Variants in GRIA4 observed in about 807,000 individuals in gnomAD.
The protein encoded by GRIA4 is glutamate ionotropic receptor AMPA type subunit 4, also known as glutamate receptor 4.
A neutral mutation model predicts 104.0 loss-of-function variants in GRIA4; 34 were observed. The ratio of observed to expected loss-of-function variants is 0.33; its 90% CI spans 0.25 to 0.44. GRIA4 has a LOEUF of 0.44. GRIA4 is among the 20% of genes least tolerant of loss of function. The pLI, the probability that GRIA4 is intolerant of heterozygous loss-of-function variation, is 1.00. For missense variants in GRIA4, 750 were observed against 1,096.5 expected (o/e 0.68, Z 4.46); for synonymous variants, 386 against 381.9 (o/e 1.01, Z -0.13).
chr11:105,733,988 T>C (rs949070273), intron 3 of GRIA4, among the ~76,000 whole-genome samples: 3 of 148,058 alleles, frequency 2.0e-5, no homozygotes, highest in Admixed American at 6.8e-5. Flanking sequence ...GGTCACTACA[T>C]GAATACATAT....
At chr11:105,898,201 T>C in intron 6 of GRIA4, 68 bp from the exon 7 acceptor site, 1 of 726,486 alleles carries the variant, frequency 1.4e-6, no homozygotes, top group Non-Finnish European at 2.3e-6. Flanking sequence ...TATTAATTTA[T>C]GTTACTATTG....
intron 3 of GRIA4, among the ~76,000 whole-genome samples, chr11:105,723,329 G>A (rs568512172): frequency 6.4e-4 from 97 of 152,130 alleles, no homozygotes; most frequent in African/African-American, 2.2e-3. Context: ...TTGAACTGTC[G>A]TTTGAACCAA....
chr11:105,868,517 G>A (rs894113212), intron 5 of GRIA4, among the ~76,000 whole-genome samples: 4 of 152,100 alleles, frequency 2.6e-5, no homozygotes, highest in Non-Finnish European at 5.9e-5. Flanking sequence ...TAAATTGGAA[G>A]TCTAAATGAG....
At chr11:105,977,974 G>A (rs959253183) in intron 16 of GRIA4, among the ~76,000 whole-genome samples, 15 of 151,936 alleles carry the variant, frequency 9.9e-5, no homozygotes, top group African/African-American at 3.4e-4. Flanking sequence ...TTTCTCACTG[G>A]TGCAGTGAAA....
At chr11:105,809,360 C>A (rs1056032096) in intron 4 of GRIA4, among the ~76,000 whole-genome samples, 4 of 152,012 alleles carry the variant, frequency 2.6e-5, no homozygotes, top group African/African-American at 9.7e-5. Context: ...TTTGTGTTGG[C>A]AATATTCCAG....
intron 14 of GRIA4, among the ~76,000 whole-genome samples, chr11:105,960,627 G>A (rs912586733): frequency 1.4e-4 from 21 of 152,160 alleles, no homozygotes; most frequent in African/African-American, 5.1e-4. Flanking sequence ...AAACAGCTTC[G>A]ACAGCAGGCA....
In GRIA4 at chr11:105,857,701, T is replaced by C. The variant is rs190787926; in HGVS notation, c.488-4323T>C. On this transcript the variant is annotated intron_variant, in intron 4 of 16. Coordinates refer to ENST00000282499, the MANE Select transcript of GRIA4 (RefSeq NM_000829.4). Reference sequence around the variant, plus strand: ...ATATCCAGCATTCCATTAACCCTGCTCATGCTAAGTGCACCAATGACCTTC... The same window carrying C: ...ATATCCAGCATTCCATTAACCCTGCCCATGCTAAGTGCACCAATGACCTTC... Among the ~76,000 whole-genome samples, 89 of 152,292 alleles carry C rather than the reference T, an allele frequency of 5.8e-4. 1 individual carries two copies. The highest frequency in any genetic ancestry group is 1.1e-3 in the Non-Finnish European group (74 of 68,018).
At chr11:105,693,233 T>C (rs1210542637) in intron 3 of GRIA4, among the ~76,000 whole-genome samples, 1 of 152,206 alleles carries the variant, frequency 6.6e-6, no homozygotes, top group African/African-American at 2.4e-5. Context: ...CAAACTCAAC[T>C]AATTGTGCAT....
chr11:105,727,636 G>A (rs1483224180), intron 3 of GRIA4, among the ~76,000 whole-genome samples: 1 of 152,058 alleles, frequency 6.6e-6, no homozygotes, highest in African/African-American at 2.4e-5. Flanking sequence ...GATAAAGCAG[G>A]TCGCCCACAA....
At chr11:105,622,242 T>C (rs1008376677) in intron 3 of GRIA4, among the ~76,000 whole-genome samples, 1 of 151,820 alleles carries the variant, frequency 6.6e-6, no homozygotes, top group African/African-American at 2.4e-5. Context: ...CTTACAACTA[T>C]AGAAATATTA....
chr11:105,776,070 A>T (rs1177083349), intron 4 of GRIA4, among the ~76,000 whole-genome samples: 1 of 152,108 alleles, frequency 6.6e-6, no homozygotes, highest in African/African-American at 2.4e-5. Flanking sequence ...GTATTTTGGA[A>T]ATAGTACCTA....
chr11:105,846,489 A>C (rs1312713376), intron 4 of GRIA4, among the ~76,000 whole-genome samples: 2 of 152,174 alleles, frequency 1.3e-5, no homozygotes, highest in Non-Finnish European at 2.9e-5. Flanking sequence ...GTAATTACAT[A>C]TATGTAATTC....
intron 4 of GRIA4, among the ~76,000 whole-genome samples, chr11:105,801,596 A>G (rs751878837): frequency 6.6e-5 from 10 of 152,216 alleles, no homozygotes; most frequent in Non-Finnish European, 1.3e-4. Context: ...TTAATGAGAA[A>G]AATCTTCCAA....
intron 4 of GRIA4, among the ~76,000 whole-genome samples, chr11:105,772,300 C>T (rs1265287768): frequency 1.3e-5 from 2 of 152,100 alleles, no homozygotes; most frequent in Non-Finnish European, 2.9e-5. Context: ...ATAGAAATGT[C>T]GTGACATTAC....
chr11:105,961,067 G>A (rs985992896), intron 14 of GRIA4, among the ~76,000 whole-genome samples: 10 of 152,128 alleles, frequency 6.6e-5, no homozygotes, highest in African/African-American at 9.7e-5. Context: ...TCTTGGCCCC[G>A]CCCATCCGAT....
chr11:105,646,998 A>G (rs1385057120), intron 3 of GRIA4, among the ~76,000 whole-genome samples: 1 of 152,224 alleles, frequency 6.6e-6, no homozygotes, highest in Non-Finnish European at 1.5e-5. Flanking sequence ...AAAACAAACT[A>G]TCAGCAGAGT....
chr11:105,621,437 T>C (rs1212035889), intron 3 of GRIA4, among the ~76,000 whole-genome samples: 2 of 151,542 alleles, frequency 1.3e-5, no homozygotes, highest in Non-Finnish European at 3.0e-5. Context: ...AACATAAGCT[T>C]CTAATATGTA....
intron 3 of GRIA4, among the ~76,000 whole-genome samples, chr11:105,731,781 A>G (rs1938604073): frequency 6.6e-6 from 1 of 152,156 alleles, no homozygotes; most frequent in East Asian, 1.9e-4. Context: ...ACAGAAACAG[A>G]AAACCAAACC....
intron 14 of GRIA4, among the ~76,000 whole-genome samples, chr11:105,942,359 AG>A (rs1422355789): frequency 1.3e-5 from 2 of 152,264 alleles, no homozygotes; most frequent in African/African-American, 4.8e-5. Flanking sequence ...CACTTTTAAA[AG>A]ATTATGCTTA....
Sources: allele counts gnomAD v4.1 joint callset (sites outside exome capture counted in the v4.1 genomes callset), GRCh38; gene constraint gnomAD v4.1.1; transcripts MANE v1.5; gene names NCBI Gene and HGNC (gene_info 2026-07-23, HGNC 2026-07-21).